Variants in LTBP2 observed in about 807,000 individuals in gnomAD.
The protein encoded by LTBP2 is latent transforming growth factor beta binding protein 2.
In LTBP2, 103 loss-of-function variants were observed where a neutral mutation model predicts 210.6. The ratio of observed to expected loss-of-function variants is 0.49; its 90% CI spans 0.42 to 0.58. The LOEUF is 0.58. Ranked by LOEUF, LTBP2 falls within the 20% of genes least tolerant of loss-of-function variation. LTBP2 has a pLI of 0.00. For missense variants in LTBP2, 2,313 were observed against 2,494.5 expected, an observed-to-expected ratio of 0.93 and a Z score of 1.55; for synonymous variants, 1,007 against 1,015.0, an observed-to-expected ratio of 0.99 and a Z score of 0.15.
chr14:74,564,355 T>TTATATATATTTATATATATATTTA (rs2087871949), intron 3 of LTBP2, among the ~76,000 whole-genome samples: 1 of 6,722 alleles, frequency 1.5e-4, no homozygotes, highest in South Asian at 0.013. Flanking sequence ...TTATATATAT[T>TTATATATATTTATATATATATTTA]TATATATATA....
intron 2 of LTBP2, among the ~76,000 whole-genome samples, chr14:74,593,472 CTGA>C (rs965567215): frequency 1.3e-5 from 2 of 152,202 alleles, no homozygotes; most frequent in Non-Finnish European, 1.5e-5. Flanking sequence ...CGATATGGGG[CTGA>C]TAATTCTTGC....
chr14:74,611,241 T>C (rs1258553096), intron 1 of LTBP2, among the ~76,000 whole-genome samples: 2 of 152,214 alleles, frequency 1.3e-5, no homozygotes, highest in East Asian at 3.8e-4. Context: ...TAAGAAAGGA[T>C]GAGGATGATG....
At chr14:74,553,096 G>C in intron 4 of LTBP2, 34 bp from the exon 5 acceptor site, 1 of 1,607,818 alleles carries the variant, frequency 6.2e-7, no homozygotes. Flanking sequence ...AGGGGGCAGG[G>C]CTGAGAGGCA....
chr14:74,585,974 C>T lies in LTBP2; in HGVS notation c.710G>A (p.Arg237Gln), dbSNP rs1362036581. The stretch of plus-strand genomic sequence containing the variant: ...GTTGGGTGAACGCTCGGCCCAGCGT[C>T]GAGGTGCCAGCCTGGAGTTCTGGGG... ...FDPQNSRLAP[R>Q]RWAERSPNLR... The change falls in exon 3 of 36, where the codon CGA becomes CAA. Residue 237 changes from arginine to glutamine, a missense_variant. Coordinates refer to ENST00000261978, the MANE Select transcript of LTBP2 (RefSeq NM_000428.3). 7 of 1,613,148 alleles carry T rather than the reference C, an allele frequency of 4.3e-6. No individual in the cohort carries two copies. Among genetic ancestry groups the T allele is most frequent in the East Asian group, 2.2e-5 (1 of 44,864 alleles).
At chr14:74,552,552 T>C (rs2087675202) in intron 5 of LTBP2, 159 bp from the exon 6 acceptor site, 3 of 741,378 alleles carry the variant, frequency 4.0e-6, no homozygotes, top group African/African-American at 1.7e-5. Flanking sequence ...ACTTCATTCA[T>C]GTAGAGTGAA....
intron 3 of LTBP2, chr14:74,560,070 T>C (rs559080790): frequency 6.6e-6 from 1 of 152,252 alleles, no homozygotes; most frequent in Admixed American, 6.5e-5. Flanking sequence ...CAAAAAGTCA[T>C]CTCTAGACTT....
At chr14:74,567,284 T>C (rs2087916948) in intron 3 of LTBP2, among the ~76,000 whole-genome samples, 1 of 152,120 alleles carries the variant, frequency 6.6e-6, no homozygotes, top group African/African-American at 2.4e-5. Flanking sequence ...CATGTGTTGG[T>C]CCACTGTGAA....
At position 74,586,076 on chromosome 14, in the gene LTBP2, C is replaced by A. The variant is rs868625560; in HGVS notation, c.608G>T (p.Arg203Leu). 1 of 1,600,332 alleles carries A rather than the reference C, an allele frequency of 6.2e-7. No individual in the cohort carries two copies. Among genetic ancestry groups the A allele is most frequent in the Non-Finnish European group, 8.5e-7 (1 of 1,173,940 alleles). The change falls in exon 3 of 36, where the codon CGC becomes CTC. Residue 203 changes from arginine to leucine, a missense_variant. By Grantham distance (102) the Arg-to-Leu change is moderately radical. Coordinates refer to ENST00000261978, the MANE Select transcript of LTBP2 (RefSeq NM_000428.3). This position sits in a 1 kb window ranked among gnomAD's most constrained non-coding sequence, Gnocchi z 4.6. ...PPCQNRGSCS[R>L]PQLCVCRSGF... Reference sequence around the variant, plus strand: ...AGAGCGGCAGACACAGAGCTGCGGGCGGCTGCAGGAGCCCCGGTTCTGGCA... The same window carrying A: ...AGAGCGGCAGACACAGAGCTGCGGGAGGCTGCAGGAGCCCCGGTTCTGGCA...
Position 74,528,493 on chromosome 14 carries a change from G to T in LTBP2, c.2358C>A (p.Ile786=). 6.2e-7 allele frequency: 1 copy of T among 1,611,922 alleles called. No homozygotes were observed. The highest frequency in any genetic ancestry group is 1.1e-5 in the South Asian group (1 of 91,016). ...CCCCAGCTCAGATACCCTTGTCAGG[G>T]ATGGTCCCGGCCTCAAGCCAGGTGT... The part of the protein sequence containing the change: ...VTDTWLEAGT[I]PDKGDSQAGQ... Residue 786 remains isoleucine, a synonymous_variant, in exon 12 of 36, where the codon ATC becomes ATA. Coordinates refer to ENST00000261978, the MANE Select transcript of LTBP2 (RefSeq NM_000428.3).
chr14:74,586,846 C>T lies in LTBP2; in HGVS notation c.566-728G>A, dbSNP rs1003557642. 6.6e-6 allele frequency among the ~76,000 whole-genome samples: 1 copy of T among 152,172 alleles called. No individual in the cohort carries two copies. The highest frequency in any genetic ancestry group is 2.4e-5 in the African/African-American group (1 of 41,442). On this transcript the variant is annotated intron_variant, in intron 2 of 35. Coordinates refer to ENST00000261978, the MANE Select transcript of LTBP2 (RefSeq NM_000428.3). The surrounding 1 kb of genome is among the most constrained non-coding windows in gnomAD (Gnocchi z 4.6). ...AGCACGGTGGCCAGAATATAGCTGC[C>T]GGCACCACAGCCGCTGCCGGCCAGG...
chr14:74,526,211 C>G (rs1337518372), intron 13 of LTBP2, 97 bp from the exon 14 acceptor site: 2 of 1,202,802 alleles, frequency 1.7e-6, no homozygotes, highest in Non-Finnish European at 2.4e-6. Context: ...GGCTTCCTAC[C>G]AGGAGCTCAT....
chr14:74,521,627 C>G (rs1227641428), intron 17 of LTBP2, among the ~76,000 whole-genome samples: 1 of 152,256 alleles, frequency 6.6e-6, no homozygotes, highest in East Asian at 1.9e-4. Context: ...TAATCCTCAT[C>G]TCCAGCCATG....
intron 27 of LTBP2, 83 bp downstream of exon 27, chr14:74,506,615 C>A (rs1055487685): frequency 1.6e-5 from 26 of 1,592,624 alleles, no homozygotes; most frequent in Non-Finnish European, 1.8e-5. Context: ...GATGGAGCCA[C>A]GTGACCAGGA....
intron 9 of LTBP2, among the ~76,000 whole-genome samples, 197 bp from the exon 10 acceptor site, chr14:74,532,745 G>A (rs549983932): frequency 4.6e-5 from 7 of 152,160 alleles, no homozygotes; most frequent in Non-Finnish European, 1.0e-4. Context: ...ACAACCAGAT[G>A]GTGTTGTTAA....
chr14:74,525,501 G>A (rs1029761895), intron 14 of LTBP2, among the ~76,000 whole-genome samples: 4 of 152,334 alleles, frequency 2.6e-5, no homozygotes, highest in Non-Finnish European at 5.9e-5. Context: ...TCAGCTTGTC[G>A]GAGGCACAGC....
chr14:74,586,533 C>T lies in LTBP2; in HGVS notation c.566-415G>A, dbSNP rs181090857. ...GAGTAGATTCTCAGTAAACATGGAG[C>T]GAATGGATGAATGAATCAGTCTCTT... On this transcript the variant is annotated intron_variant, in intron 2 of 35. Coordinates refer to ENST00000261978, the MANE Select transcript of LTBP2 (RefSeq NM_000428.3). This position sits in a 1 kb window ranked among gnomAD's most constrained non-coding sequence, Gnocchi z 4.6. 9.2e-5 allele frequency among the ~76,000 whole-genome samples: 14 copies of T among 152,098 alleles called. No homozygotes were observed. The highest frequency in any genetic ancestry group is 1.9e-4 in the Non-Finnish European group (13 of 68,022).
chr14:74,531,989 C>T (rs1486134141), intron 10 of LTBP2, among the ~76,000 whole-genome samples: 2 of 152,174 alleles, frequency 1.3e-5, no homozygotes, highest in Admixed American at 6.5e-5. Flanking sequence ...GAAAGGCCCT[C>T]GGGTCGGGCA....
chr14:74,517,027 G>A (rs1353844590), intron 17 of LTBP2, 86 bp from the exon 18 acceptor site: 2 of 1,506,704 alleles, frequency 1.3e-6, no homozygotes, highest in Non-Finnish European at 1.8e-6. Flanking sequence ...CCTTCTAGAG[G>A]CCAAGGACAA....
rs1410578746 is a variant in LTBP2, at chr14:74,508,747, G to A, written c.3527-18C>T. ...ATTCACATCTGCAGGGAAAAGATGG[G>A]GAGTGGGTGTCTGCTGGGGATGTGC... On this transcript the variant is annotated intron_variant, in intron 23 of 35. Transcript: ENST00000261978. 2 of 1,613,486 alleles carry A rather than the reference G, an allele frequency of 1.2e-6. No individual in the cohort carries two copies. Among genetic ancestry groups the A allele is most frequent in the Admixed American group, 1.7e-5 (1 of 60,010 alleles).
Sources: gnomAD v4.1 joint callset for allele counts (sites outside exome capture counted in the v4.1 genomes callset) on GRCh38, gnomAD v4.1.1 for gene constraint, Gnocchi (gnomAD v3.1) non-coding constraint, MANE v1.5 for transcripts, NCBI Gene and HGNC (gene_info 2026-07-23, HGNC 2026-07-21) for gene names.